Variants in MTUS1 observed in about 807,000 individuals in gnomAD.
MTUS1 encodes microtubule associated scaffold protein 1, also known as microtubule-associated tumor suppressor 1.
Under a neutral mutation model 120.8 loss-of-function variants are expected in MTUS1, and 109 were observed. The ratio of observed to expected loss-of-function variants is 0.90; its 90% confidence interval spans 0.77 to 1.06. The LOEUF is 1.06. Ranked by LOEUF, MTUS1 falls within the 50% of genes least tolerant of loss-of-function variation. The pLI is 0.00. For missense variants in MTUS1, 2,210 were observed against 1,486.3 expected (o/e 1.49, Z -8.01); for synonymous variants, 737 against 550.5 (o/e 1.34, Z -4.74).
At chr8:17,687,041 C>G (rs1248231924) in intron 6 of MTUS1, among the ~76,000 whole-genome samples, 2 of 152,132 alleles carry the variant, frequency 1.3e-5, no homozygotes, top group Non-Finnish European at 2.9e-5. Context: ...ACACAGGAAT[C>G]TAAACATTAC....
intron 3 of MTUS1, among the ~76,000 whole-genome samples, chr8:17,724,867 T>C (rs187281250): frequency 2.5e-4 from 38 of 152,344 alleles, no homozygotes; most frequent in Middle Eastern, 3.4e-3. Flanking sequence ...AAAGTACTTA[T>C]TGAGTACTCT....
At chr8:17,678,945 G>C (rs1357637097) in intron 7 of MTUS1, among the ~76,000 whole-genome samples, 1 of 152,042 alleles carries the variant, frequency 6.6e-6, no homozygotes, top group Non-Finnish European at 1.5e-5. Flanking sequence ...GATAAACCAA[G>C]AATTAGAAAA....
intron 1 of MTUS1, among the ~76,000 whole-genome samples, chr8:17,779,464 T>C (rs540101551): frequency 6.6e-6 from 1 of 152,356 alleles, no homozygotes; most frequent in East Asian, 1.9e-4. Flanking sequence ...ACCCATGTTC[T>C]GGTGTTTAAA....
At chr8:17,783,008 G>A (rs575244904) in intron 1 of MTUS1, among the ~76,000 whole-genome samples, 93 of 152,300 alleles carry the variant, frequency 6.1e-4, no homozygotes, top group African/African-American at 2.2e-3. Flanking sequence ...AACCTGGGAG[G>A]CGGAGTTTGC....
chr8:17,722,032 C>T lies in MTUS1; in HGVS notation c.2449+1640G>A, dbSNP rs993450950. The T allele has an allele frequency of 3.4e-5, 46 of 1,342,928 alleles. 1 individual carries two copies. In the South Asian group the frequency reaches 9.8e-4, roughly 29 times the overall value. The allele number at this position is 1,342,928 out of a possible 1,614,324, so 83.2% of individuals were successfully genotyped here. A position where few individuals can be genotyped will look rare whatever the true frequency, so the allele number is the denominator to read the frequency against. ...AATGCGTAAGCTCCAAGGCACTACA[C>T]AAAACAGATTAAACCAGCTAGCAAA... On this transcript the variant is annotated intron_variant, in intron 4 of 14. Transcript: ENST00000693296.
rs1166276283 is a variant in MTUS1, at chr8:17,675,253, C to G, written c.2839-1G>C. The G allele has an allele frequency of 6.2e-7, 1 of 1,614,054 alleles. No homozygotes were observed. Among genetic ancestry groups the G allele is most frequent in the Non-Finnish European group, 8.5e-7 (1 of 1,179,950 alleles). ...TGTGTTGTTTCAGTGCTTCCTCCCG[C>G]TGCGGAAAACACACATCAAGTTACT... is the stretch of plus-strand genomic sequence containing the variant. On this transcript the variant is annotated splice_acceptor_variant, in intron 7 of 14. Transcript: ENST00000693296. LOFTEE classifies it high-confidence loss of function.
intron 8 of MTUS1, among the ~76,000 whole-genome samples, chr8:17,671,532 G>C (rs1480476468): frequency 6.6e-6 from 1 of 152,206 alleles, no homozygotes. Flanking sequence ...TGAAGGGAGT[G>C]TGGCTCAGAC....
Position 17,754,139 on chromosome 8 carries a change from G to A in MTUS1, c.1669C>T (p.Pro557Ser). ...SRQQTVLSRT[P>S]RSDLNADKKA... ...TTGTCTGCATTCAAGTCAGATCTCG[G>A]TGTTCTGCTCAAGACTGTTTGTTGT... Residue 557 changes from proline to serine, a missense_variant, in exon 2 of 15, where the codon CCG becomes TCG. Pro to Ser is a moderately conservative substitution (Grantham distance 74). Transcript: ENST00000693296. The A allele has an allele frequency of 6.2e-7, 1 of 1,613,774 alleles. No homozygotes were observed. Among genetic ancestry groups the A allele is most frequent in the Non-Finnish European group, 8.5e-7 (1 of 1,180,018 alleles).
chr8:17,665,563 G>A (rs1264019039), intron 8 of MTUS1, among the ~76,000 whole-genome samples: 2 of 152,082 alleles, frequency 1.3e-5, no homozygotes, highest in Non-Finnish European at 2.9e-5. Flanking sequence ...GTTTCACCAT[G>A]TTGGCAAGGC....
chr8:17,676,605 A>C (rs939970840), intron 7 of MTUS1: 1 of 450,640 alleles, frequency 2.2e-6, no homozygotes, highest in Non-Finnish European at 3.9e-6. Flanking sequence ...AGAGGCAGGC[A>C]TTAGACTGAT....
intron 7 of MTUS1, among the ~76,000 whole-genome samples, chr8:17,680,749 G>A (rs1015468975): frequency 6.6e-6 from 1 of 151,978 alleles, no homozygotes; most frequent in African/African-American, 2.4e-5. Flanking sequence ...GGTTGCATGA[G>A]GGAAAAGTAT....
chr8:17,721,936 C>G (rs1430692595), intron 4 of MTUS1: 2 of 1,592,942 alleles, frequency 1.3e-6, no homozygotes, highest in African/African-American at 2.7e-5. Context: ...GCAGGAAAAA[C>G]TGCAGCCATG....
intron 8 of MTUS1, among the ~76,000 whole-genome samples, chr8:17,673,931 T>C (rs1234260388): frequency 1.3e-5 from 2 of 152,214 alleles, no homozygotes; most frequent in South Asian, 2.1e-4. Flanking sequence ...GGATGTTACC[T>C]TGCATTATTC....
At chr8:17,656,338 G>A (rs530176834) in intron 8 of MTUS1, among the ~76,000 whole-genome samples, 59 of 152,086 alleles carry the variant, frequency 3.9e-4, no homozygotes, top group Non-Finnish European at 8.1e-4. Context: ...GACCGGCCTG[G>A]TCAACATGGT....
At chr8:17,779,425 G>A (rs2050701443) in intron 1 of MTUS1, among the ~76,000 whole-genome samples, 1 of 152,188 alleles carries the variant, frequency 6.6e-6, no homozygotes, top group Admixed American at 6.5e-5. Flanking sequence ...GTATTTCCCT[G>A]AAATGAGGTT....
intron 8 of MTUS1, among the ~76,000 whole-genome samples, chr8:17,672,838 T>C (rs1272493401): frequency 6.6e-6 from 1 of 152,176 alleles, no homozygotes; most frequent in Non-Finnish European, 1.5e-5. Flanking sequence ...GCACAGACTG[T>C]TACAGCTATT....
At chr8:17,708,146 G>A (rs1391405648) in intron 6 of MTUS1, among the ~76,000 whole-genome samples, 2 of 152,110 alleles carry the variant, frequency 1.3e-5, no homozygotes, top group African/African-American at 4.8e-5. Flanking sequence ...ATGTTTCCAA[G>A]GACATTATCA....
At chr8:17,647,456 T>TA (rs1001479061) in intron 13 of MTUS1, among the ~76,000 whole-genome samples, 28 of 143,900 alleles carry the variant, frequency 1.9e-4, no homozygotes, top group African/African-American at 7.3e-4. Context: ...TGAATTTTGC[T>TA]GGAAAAAAAA....
intron 6 of MTUS1, chr8:17,697,306 G>C (rs1201578665): frequency 1.2e-6 from 2 of 1,614,044 alleles, no homozygotes; most frequent in Non-Finnish European, 1.7e-6. Flanking sequence ...GAAGTCGAAG[G>C]TTTCGAAGCA....
Sources: allele counts gnomAD v4.1 joint callset (sites outside exome capture counted in the v4.1 genomes callset), GRCh38; gene constraint gnomAD v4.1.1; transcripts MANE v1.5; gene names NCBI Gene and HGNC (gene_info 2026-07-23, HGNC 2026-07-21).